CAPZB: variants seen among roughly 807,000 people sequenced by gnomAD.
CAPZB encodes F-actin-capping protein subunit beta.
Under a neutral mutation model 38.1 loss-of-function variants are expected in CAPZB, and 2 were observed. The observed-to-expected ratio is 0.05, with a 90% CI of 0.02 to 0.17. CAPZB has a LOEUF of 0.17. Among genes scored for constraint, CAPZB ranks in the 10% least tolerant of loss-of-function variants. CAPZB has a pLI of 1.00. For synonymous variants in CAPZB, 107 were observed against 127.4 expected (o/e 0.84, Z 1.08); for missense variants, 161 against 334.2 (o/e 0.48, Z 4.04).
chr1:19,485,424 T>C lies in CAPZB; in HGVS notation c.3+12A>G. On this transcript the variant is annotated intron_variant, in intron 1 of 8. Transcript: ENST00000264202. Reference sequence around the variant, plus strand: ...GGCCCCCGGGCCGGGGAGGGGGCCGTGCGGCCTTTACCATGGTGGCGGCGG... The same window carrying C: ...GGCCCCCGGGCCGGGGAGGGGGCCGCGCGGCCTTTACCATGGTGGCGGCGG... 1 of 1,229,240 alleles carries C rather than the reference T, an allele frequency of 8.1e-7. No individual in the cohort carries two copies. The highest frequency in any genetic ancestry group is 1.0e-6 in the Non-Finnish European group (1 of 986,482). The allele number at this position is 1,229,240 out of a possible 1,614,324, so 76.1% of individuals were successfully genotyped here. A position where few individuals can be genotyped will look rare whatever the true frequency, so the allele number is the denominator to read the frequency against.
At chr1:19,469,196 C>A (rs1229869812) in intron 1 of CAPZB, among the ~76,000 whole-genome samples, 2 of 152,164 alleles carry the variant, frequency 1.3e-5, no homozygotes, top group African/African-American at 4.8e-5. Context: ...CAGAAAGACA[C>A]AGGCAGGAGG....
Position 19,485,518 on chromosome 1 carries a change from C to G in CAPZB, c.-80G>C. 1 of 1,179,358 alleles carries G rather than the reference C, an allele frequency of 8.5e-7. No homozygotes were observed. The highest frequency in any genetic ancestry group is 1.1e-6 in the Non-Finnish European group (1 of 941,534). The allele number at this position is 1,179,358 out of a possible 1,614,324, so 73.1% of individuals were successfully genotyped here. ...AGCAGGGCCCGGCGCTTCCACTTCC[C>G]CGGGTGCCCAGGAGTGAACATCCGG... On this transcript the variant is annotated 5_prime_UTR_variant, in exon 1 of 9. Transcript: ENST00000264202.
At chr1:19,393,090 C>T (rs781477235) in intron 2 of CAPZB, among the ~76,000 whole-genome samples, 2 of 152,232 alleles carry the variant, frequency 1.3e-5, no homozygotes, top group Non-Finnish European at 2.9e-5. Context: ...AGGGCAGCTT[C>T]GTTACAGGGA....
chr1:19,460,401 C>T (rs1021509538), intron 1 of CAPZB, among the ~76,000 whole-genome samples: 2 of 152,076 alleles, frequency 1.3e-5, no homozygotes, highest in African/African-American at 4.8e-5. Context: ...CTCAGCCTCC[C>T]GAGTAGCTGG....
rs1258797639 is a variant in CAPZB, at chr1:19,461,802, C to A, written c.3+23634G>T. Among the ~76,000 whole-genome samples the A allele has an allele frequency of 9.2e-5, 14 of 152,292 alleles. No individual in the cohort carries two copies. The South Asian group carries it at 2.1e-3, about 23-fold the overall frequency. On this transcript the variant is annotated intron_variant, in intron 1 of 8. Transcript: ENST00000264202. ...AGAAACATCATAACAGGCGAATTAC[C>A]TACCCTCACTGAGCCTCAGTTTTCT...
intron 1 of CAPZB, among the ~76,000 whole-genome samples, chr1:19,448,462 G>A (rs755993681): frequency 6.6e-5 from 10 of 152,328 alleles, no homozygotes; most frequent in South Asian, 2.1e-4. Context: ...AAAGCCCAGA[G>A]GTAAAAACTC....
At chr1:19,416,685 T>C (rs2094380675) in intron 2 of CAPZB, among the ~76,000 whole-genome samples, 1 of 151,740 alleles carries the variant, frequency 6.6e-6, no homozygotes, top group Non-Finnish European at 1.5e-5. Flanking sequence ...AACCAGTCTC[T>C]ATGCAAAATA....
At position 19,483,242 on chromosome 1, in the gene CAPZB, A is replaced by G. The variant is rs75342005; in HGVS notation, c.3+2194T>C. Reference sequence around the variant, plus strand: ...TCCTCCCCCCTTGCCATGTTTGAATATCCCATTTTATGTTTTTCAAACGGT... The same window carrying G: ...TCCTCCCCCCTTGCCATGTTTGAATGTCCCATTTTATGTTTTTCAAACGGT... On this transcript the variant is annotated intron_variant, in intron 1 of 8. Transcript: ENST00000264202. 1.7e-3 allele frequency among the ~76,000 whole-genome samples: 252 copies of G among 152,348 alleles called. 3 individuals carry two copies. Among genetic ancestry groups the G allele is most frequent in the African/African-American group, 5.8e-3 (240 of 41,574 alleles).
At chr1:19,432,320 T>C (rs140017518) in intron 1 of CAPZB, among the ~76,000 whole-genome samples, 2 of 152,162 alleles carry the variant, frequency 1.3e-5, no homozygotes, top group South Asian at 2.1e-4. Context: ...TGTATGCCTG[T>C]AGTCCTAGCT....
chr1:19,384,670 G>A (rs940638349), intron 3 of CAPZB, among the ~76,000 whole-genome samples: 22 of 152,086 alleles, frequency 1.4e-4, no homozygotes, highest in African/African-American at 5.3e-4. Flanking sequence ...AGACAACCCT[G>A]GTTCTGTGGT....
At chr1:19,415,736 G>A (rs1478640675) in intron 2 of CAPZB, among the ~76,000 whole-genome samples, 2 of 152,128 alleles carry the variant, frequency 1.3e-5, no homozygotes, top group Admixed American at 6.5e-5. Context: ...ATGGGTTTTC[G>A]CCATGTTGGC....
chr1:19,432,400 C>T (rs949332183), intron 1 of CAPZB, among the ~76,000 whole-genome samples: 6 of 152,088 alleles, frequency 3.9e-5, no homozygotes, highest in Non-Finnish European at 7.4e-5. Flanking sequence ...TGAGATAGCA[C>T]CACCGCACTC....
At chr1:19,460,214 CTTAG>C (rs1240554728) in intron 1 of CAPZB, among the ~76,000 whole-genome samples, 2 of 152,190 alleles carry the variant, frequency 1.3e-5, no homozygotes, top group African/African-American at 4.8e-5. Context: ...GTAGTAAGTG[CTTAG>C]TTAAGATGGA....
chr1:19,464,316 G>A (rs1264143504), intron 1 of CAPZB, among the ~76,000 whole-genome samples: 1 of 144,258 alleles, frequency 6.9e-6, no homozygotes, highest in Non-Finnish European at 1.5e-5. Context: ...TTTTGAGATG[G>A]AGTCTCGCTC....
intron 3 of CAPZB, among the ~76,000 whole-genome samples, chr1:19,383,858 C>T (rs1184439807): frequency 2.0e-5 from 3 of 152,100 alleles, no homozygotes; most frequent in Non-Finnish European, 2.9e-5. Context: ...CTTGTAATCA[C>T]CCTTCACACC....
intron 6 of CAPZB, among the ~76,000 whole-genome samples, chr1:19,352,916 G>C (rs1297480194): frequency 1.3e-5 from 2 of 152,064 alleles, no homozygotes; most frequent in Non-Finnish European, 2.9e-5. Flanking sequence ...CTCTGCCCCG[G>C]CCACTGGCCT....
At chr1:19,381,509 C>G (rs550656021) in intron 3 of CAPZB, among the ~76,000 whole-genome samples, 1 of 152,146 alleles carries the variant, frequency 6.6e-6, no homozygotes, top group South Asian at 2.1e-4. Flanking sequence ...TGGTGTTCCA[C>G]TTCTCCAAAC....
intron 2 of CAPZB, among the ~76,000 whole-genome samples, chr1:19,416,121 T>C (rs1296702849): frequency 6.6e-6 from 1 of 152,236 alleles, no homozygotes; most frequent in Non-Finnish European, 1.5e-5. Context: ...TAATCATAAA[T>C]GGCCTGGTTC....
At chr1:19,383,115 A>C (rs1198757332) in intron 3 of CAPZB, among the ~76,000 whole-genome samples, 1 of 47,712 alleles carries the variant, frequency 2.1e-5, no homozygotes, top group Non-Finnish European at 4.7e-5. Context: ...CCCCATCTCT[A>C]CAAAAAAAAA....
Sources: gnomAD v4.1 joint callset for allele counts (sites outside exome capture counted in the v4.1 genomes callset) on GRCh38, gnomAD v4.1.1 for gene constraint, MANE v1.5 for transcripts, NCBI Gene and HGNC (gene_info 2026-07-23, HGNC 2026-07-21) for gene names.